The following CNTN5 variants were observed in gnomAD, a reference collection of about 807,000 sequenced individuals.
The protein encoded by CNTN5 is contactin 5.
In CNTN5, 77 loss-of-function variants were observed where a neutral mutation model predicts 129.1. The ratio of observed to expected loss-of-function variants is 0.60; its 90% CI spans 0.50 to 0.72. The LOEUF is 0.72. CNTN5 is among the 30% of genes least tolerant of loss of function. The pLI, the probability that CNTN5 is intolerant of heterozygous loss-of-function variation, is 0.00. For missense variants in CNTN5, 1,478 were observed against 1,328.8 expected (o/e 1.11, Z -1.75); for synonymous variants, 509 against 465.6 (o/e 1.09, Z -1.20).
chr11:99,537,304 G>A (rs940742239), intron 2 of CNTN5, among the ~76,000 whole-genome samples: 5 of 152,122 alleles, frequency 3.3e-5, no homozygotes, highest in South Asian at 2.1e-4. Flanking sequence ...TCCTCATTTC[G>A]CAAGCAAATA....
At chr11:99,838,268 A>G (rs933663983) in intron 4 of CNTN5, among the ~76,000 whole-genome samples, 1 of 152,184 alleles carries the variant, frequency 6.6e-6, no homozygotes, top group African/African-American at 2.4e-5. Flanking sequence ...CCTGAAATGA[A>G]TCGTTCTTCT....
chr11:99,323,388 C>G (rs1865650392), intron 1 of CNTN5, among the ~76,000 whole-genome samples: 1 of 152,080 alleles, frequency 6.6e-6, no homozygotes, highest in Non-Finnish European at 1.5e-5. Context: ...AAACTTGAAA[C>G]TTGAGGAAGG....
chr11:100,029,067 G>T (rs1453942719), intron 9 of CNTN5, among the ~76,000 whole-genome samples: 3 of 151,616 alleles, frequency 2.0e-5, no homozygotes, highest in African/African-American at 4.9e-5. Context: ...AGAAGATAGA[G>T]AGAGAGAGAG....
chr11:99,607,667 C>T (rs1348842715), intron 3 of CNTN5, among the ~76,000 whole-genome samples: 91 of 116,262 alleles, frequency 7.8e-4, no homozygotes, highest in Non-Finnish European at 1.4e-3. Flanking sequence ...TATTGCGGCA[C>T]TATTCACAAT....
chr11:100,183,329 T>C (rs1266763140), intron 13 of CNTN5, among the ~76,000 whole-genome samples: 1 of 152,150 alleles, frequency 6.6e-6, no homozygotes, highest in African/African-American at 2.4e-5. Context: ...TTTATAGCCC[T>C]AAGCTGAGAG....
chr11:99,683,822 T>C lies in CNTN5; in HGVS notation c.55+127553T>C, dbSNP rs149811577. On this transcript the variant is annotated intron_variant, in intron 3 of 24. Coordinates refer to ENST00000524871, the MANE Select transcript of CNTN5 (RefSeq NM_014361.4). ...TGCTTTCTTAAAAATCTATTTCTAA[T>C]TGGAAATTTTAAAAATTATATATTT... Among the ~76,000 whole-genome samples, 12 of 151,808 alleles carry C rather than the reference T, an allele frequency of 7.9e-5. No homozygotes were observed. In the East Asian group the frequency reaches 2.3e-3, roughly 29 times the overall value.
chr11:99,966,903 G>A (rs1037839730), intron 8 of CNTN5, among the ~76,000 whole-genome samples: 4 of 152,068 alleles, frequency 2.6e-5, no homozygotes, highest in Non-Finnish European at 4.4e-5. Context: ...TGGTAGGGAG[G>A]GGCTTTAGAG....
Position 100,061,219 on chromosome 11 carries a change from C to G in CNTN5, c.988C>G (p.Pro330Ala). The change falls in exon 10 of 25, where the codon CCA (proline) becomes GCA (alanine). Residue 330 changes from proline to alanine, a missense_variant. Coordinates refer to ENST00000524871, the MANE Select transcript of CNTN5 (RefSeq NM_014361.4). ...TTTTGTTCCCTATCGTAGCCCCGTTCCAACAATCACATGGATGAAGGTTAA... is the reference window on the plus strand; with the variant it reads ...TTTTGTTCCCTATCGTAGCCCCGTTGCAACAATCACATGGATGAAGGTTAA... ...MECFALGNPVPTITWMKVNGY... is the reference protein window; with the variant it reads ...MECFALGNPVATITWMKVNGY... 1.2e-6 allele frequency: 2 copies of G among 1,607,504 alleles called. No individual in the cohort carries two copies. Among genetic ancestry groups the G allele is most frequent in the Non-Finnish European group, 1.7e-6 (2 of 1,174,744 alleles).
At chr11:99,089,829 C>A (rs1410879408) in intron 1 of CNTN5, among the ~76,000 whole-genome samples, 1 of 152,038 alleles carries the variant, frequency 6.6e-6, no homozygotes, top group Non-Finnish European at 1.5e-5. Context: ...TAAAAATTGT[C>A]ATCTGGGCTA....
Position 99,188,035 on chromosome 11 carries a change from T to C in CNTN5, c.-209-137311T>C, listed in dbSNP as rs1370688488. On this transcript the variant is annotated intron_variant, in intron 1 of 24. Transcript: ENST00000524871. ...CTTCTCTTGTACAAAACTTGGCATATAGTAACACCATTCTGCACTTTTTAT... is the reference window on the plus strand; with the variant it reads ...CTTCTCTTGTACAAAACTTGGCATACAGTAACACCATTCTGCACTTTTTAT... Among the ~76,000 whole-genome samples the C allele has an allele frequency of 2.0e-5, 3 of 151,866 alleles. No homozygotes were observed. The East Asian group carries it at 5.8e-4, about 29-fold the overall frequency.
chr11:99,922,821 T>C (rs1949971200), intron 7 of CNTN5, among the ~76,000 whole-genome samples: 1 of 152,222 alleles, frequency 6.6e-6, no homozygotes, highest in African/African-American at 2.4e-5. Context: ...TAGGTGTTCA[T>C]TAAACGCATG....
At chr11:99,027,882 G>C (rs1047844342) in intron 1 of CNTN5, among the ~76,000 whole-genome samples, 2 of 151,664 alleles carry the variant, frequency 1.3e-5, no homozygotes. Context: ...GGCGCGATAA[G>C]TGTAGCAGAG....
intron 13 of CNTN5, among the ~76,000 whole-genome samples, chr11:100,175,886 G>C (rs942786799): frequency 6.6e-6 from 1 of 151,858 alleles, no homozygotes; most frequent in African/African-American, 2.4e-5. Context: ...TAGGTCCTGG[G>C]CTCTCTTATT....
chr11:99,495,540 C>T (rs995964273), intron 2 of CNTN5, among the ~76,000 whole-genome samples: 1 of 152,046 alleles, frequency 6.6e-6, no homozygotes, highest in Admixed American at 6.6e-5. Flanking sequence ...TCTGAGTAGG[C>T]CTTTCAGAGC....
intron 2 of CNTN5, among the ~76,000 whole-genome samples, chr11:99,343,964 A>T (rs147049207): frequency 7.9e-5 from 12 of 152,352 alleles, no homozygotes; most frequent in Middle Eastern, 3.4e-3. Flanking sequence ...CCAACATTTG[A>T]AAATGATAAA....
chr11:99,507,741 G>T (rs567453705), intron 2 of CNTN5, among the ~76,000 whole-genome samples: 6 of 152,118 alleles, frequency 3.9e-5, no homozygotes, highest in African/African-American at 1.4e-4. Context: ...AACTTTTCAC[G>T]TGCCATATTT....
chr11:100,104,645 G>C (rs1042611185), intron 13 of CNTN5, among the ~76,000 whole-genome samples: 2 of 152,106 alleles, frequency 1.3e-5, no homozygotes, highest in Admixed American at 6.5e-5. Context: ...TCGATTAATA[G>C]ATAAAAAGAC....
intron 3 of CNTN5, among the ~76,000 whole-genome samples, chr11:99,635,775 C>G (rs1951527918): frequency 6.6e-6 from 1 of 152,022 alleles, no homozygotes. Flanking sequence ...TTTGTATGTT[C>G]ATGTCAGTTT....
chr11:99,740,791 A>T (rs574430494), intron 3 of CNTN5, among the ~76,000 whole-genome samples: 2 of 152,208 alleles, frequency 1.3e-5, no homozygotes, highest in Non-Finnish European at 2.9e-5. Context: ...AAATATGGAT[A>T]TCTAGCATTC....
Sources: allele counts gnomAD v4.1 joint callset (sites outside exome capture counted in the v4.1 genomes callset), GRCh38; gene constraint gnomAD v4.1.1; transcripts MANE v1.5; gene names NCBI Gene and HGNC (gene_info 2026-07-23, HGNC 2026-07-21).